The following FBXL20 variants were observed in gnomAD, a reference collection of about 807,000 sequenced individuals.
FBXL20 encodes F-box and leucine rich repeat protein 20, also known as F-box/LRR-repeat protein 20.
In FBXL20, 11 loss-of-function variants were observed where a neutral mutation model predicts 64.0. That is an observed-to-expected ratio of 0.17 (90% confidence interval 0.11 to 0.28). FBXL20 has a LOEUF of 0.28. FBXL20 is among the 10% of genes least tolerant of loss of function. The probability of loss-of-function intolerance (pLI) is 1.00; values close to 1 mark genes in which losing one functional copy is unlikely to be tolerated. For synonymous variants in FBXL20, 184 were observed against 189.0 expected (o/e 0.97, Z 0.22); for missense variants, 303 against 526.2 (o/e 0.58, Z 4.15).
At chr17:39,349,629 A>G (rs1330443290) in intron 1 of FBXL20, among the ~76,000 whole-genome samples, 2 of 151,990 alleles carry the variant, frequency 1.3e-5, no homozygotes, top group African/African-American at 4.8e-5. Flanking sequence ...ACCTCTTGTG[A>G]TAAGTCACAG....
chr17:39,327,731 C>T lies in FBXL20; in HGVS notation c.104+15449G>A, dbSNP rs191587721. On this transcript the variant is annotated intron_variant, in intron 2 of 14. Transcript: ENST00000264658. ...GTTTTGTTTTTTCAAGACGGAATCTCGCTCTGTCGCCCAGGCTGTAGTGCA... is the reference window on the plus strand; with the variant it reads ...GTTTTGTTTTTTCAAGACGGAATCTTGCTCTGTCGCCCAGGCTGTAGTGCA... 5.4e-3 allele frequency among the ~76,000 whole-genome samples: 818 copies of T among 152,162 alleles called. 3 individuals are homozygous for T. Among genetic ancestry groups the T allele is most frequent in the Non-Finnish European group, 9.0e-3 (614 of 68,002 alleles).
chr17:39,263,209 T>C (rs1251974960), intron 14 of FBXL20, among the ~76,000 whole-genome samples: 3 of 151,348 alleles, frequency 2.0e-5, no homozygotes, highest in African/African-American at 7.3e-5. Context: ...AGCAAGACCT[T>C]GTCTCCACAA....
chr17:39,353,228 C>T (rs1017210352), intron 1 of FBXL20, among the ~76,000 whole-genome samples: 1 of 152,192 alleles, frequency 6.6e-6, no homozygotes, highest in Non-Finnish European at 1.5e-5. Flanking sequence ...TGCAGCTAAA[C>T]TTAGTAATAC....
At chr17:39,337,855 C>G (rs1205395972) in intron 2 of FBXL20, among the ~76,000 whole-genome samples, 1 of 151,636 alleles carries the variant, frequency 6.6e-6, no homozygotes, top group African/African-American at 2.4e-5. Flanking sequence ...GCCGCCCCGT[C>G]CAGGAGGGAG....
intron 2 of FBXL20, among the ~76,000 whole-genome samples, chr17:39,309,692 T>C (rs2047214043): frequency 6.6e-6 from 1 of 150,852 alleles, no homozygotes; most frequent in African/African-American, 2.4e-5. Context: ...TCCCAGCTAC[T>C]TGCACAGGAG....
chr17:39,325,189 C>T (rs2047398644), intron 2 of FBXL20, among the ~76,000 whole-genome samples: 1 of 152,138 alleles, frequency 6.6e-6, no homozygotes, highest in South Asian at 2.1e-4. Context: ...GCCTGGATGA[C>T]AGAGACCCTG....
At chr17:39,334,658 A>T (rs906331997) in intron 2 of FBXL20, among the ~76,000 whole-genome samples, 2 of 152,160 alleles carry the variant, frequency 1.3e-5, no homozygotes, top group African/African-American at 4.8e-5. Flanking sequence ...TGAATCCTTT[A>T]AAAAAATTTC....
chr17:39,372,295 T>G (rs1020239623), intron 1 of FBXL20, among the ~76,000 whole-genome samples: 11 of 151,416 alleles, frequency 7.3e-5, no homozygotes, highest in Admixed American at 7.3e-4. Flanking sequence ...CTGAGGCAGG[T>G]GGATCACAAG....
rs537354163 is a variant in FBXL20 at position 39,269,194 on chromosome 17, C to G, written c.889-323G>C. On this transcript the variant is annotated intron_variant, in intron 11 of 14. Coordinates refer to ENST00000264658, the MANE Select transcript of FBXL20 (RefSeq NM_032875.3). ...CCTGGCTAATTTTTGTATTTCTTTT[C>G]TTTTTTTTTTCTTTTTGAGATGGAG... Among the ~76,000 whole-genome samples the G allele has an allele frequency of 3.4e-5, 5 of 147,852 alleles. No homozygotes were observed. In the South Asian group the frequency reaches 6.5e-4, roughly 19 times the overall value.
intron 2 of FBXL20, among the ~76,000 whole-genome samples, chr17:39,325,248 G>C (rs909108415): frequency 3.3e-5 from 5 of 152,148 alleles, no homozygotes; most frequent in African/African-American, 1.2e-4. Flanking sequence ...AAACTCTTGT[G>C]AAATGACTCA....
chr17:39,385,178 C>T (rs887268990), intron 1 of FBXL20, among the ~76,000 whole-genome samples: 3 of 151,868 alleles, frequency 2.0e-5, no homozygotes, highest in Non-Finnish European at 2.9e-5. Flanking sequence ...GCTATGATGG[C>T]GCCACCGCAC....
In FBXL20 at chr17:39,297,355, T is replaced by G. The variant is rs755221905; in HGVS notation, c.330-160A>C. 6.8e-6 allele frequency: 3 copies of G among 441,286 alleles called. No homozygotes were observed. In the East Asian group the frequency reaches 1.0e-4, roughly 15 times the overall value. 27.3% of individuals were successfully genotyped at this position (441,286 alleles called of 1,614,324 possible). Reference sequence around the variant, plus strand: ...GTATTTGGTCTTCATCTTCGGTTCTTGGCATACCATCCCTAAAATCTTTGT... The same window carrying G: ...GTATTTGGTCTTCATCTTCGGTTCTGGGCATACCATCCCTAAAATCTTTGT... On this transcript the variant is annotated intron_variant, in intron 5 of 14. Coordinates refer to ENST00000264658, the MANE Select transcript of FBXL20 (RefSeq NM_032875.3).
Position 39,254,962 on chromosome 17 carries a change from G to A in FBXL20, c.*6498C>T, listed in dbSNP as rs772001170. 2.6e-5 allele frequency: 4 copies of A among 152,498 alleles called. No homozygotes were observed. Among genetic ancestry groups the A allele is most frequent in the Non-Finnish European group, 5.9e-5 (4 of 68,208 alleles). 9.4% of individuals were successfully genotyped at this position (152,498 alleles called of 1,614,324 possible). ...TTATTTAAAAACAAGAGGCAGAGAT[G>A]GAAGAAGCGCATATGGACTTTCTCT... On this transcript the variant is annotated 3_prime_UTR_variant, in exon 15 of 15. Coordinates refer to ENST00000264658, the MANE Select transcript of FBXL20 (RefSeq NM_032875.3).
At chr17:39,276,857 T>C (rs773627925) in intron 9 of FBXL20, among the ~76,000 whole-genome samples, 1 of 152,124 alleles carries the variant, frequency 6.6e-6, no homozygotes, top group Non-Finnish European at 1.5e-5. Context: ...GAGGCTGAAG[T>C]GGAATGATCG....
chr17:39,274,888 A>T, intron 10 of FBXL20, 82 bp downstream of exon 10: 1 of 1,582,802 alleles, frequency 6.3e-7, no homozygotes, highest in East Asian at 2.2e-5. Flanking sequence ...CCTACCTTAA[A>T]ATTCCAAAGT....
At chr17:39,285,612 G>A (rs2144398358) in intron 6 of FBXL20, 39 bp from the exon 7 acceptor site, 1 of 1,331,306 alleles carries the variant, frequency 7.5e-7, no homozygotes, top group Non-Finnish European at 1.1e-6. Context: ...GAATAAACAA[G>A]ACAAGTACAC....
At chr17:39,370,743 C>G (rs1390180956) in intron 1 of FBXL20, among the ~76,000 whole-genome samples, 1 of 148,074 alleles carries the variant, frequency 6.8e-6, no homozygotes, top group Non-Finnish European at 1.5e-5. Context: ...TGCAGTGAGC[C>G]GAGATCGCGC....
In FBXL20 at chr17:39,384,713, T is replaced by C. The variant is rs576503304; in HGVS notation, c.42+16648A>G. The stretch of plus-strand genomic sequence containing the variant: ...GGCTCACGCCTATAATCCCAGCACT[T>C]TGTGAGGCTGAGGCAGGCAGATCAC... On this transcript the variant is annotated intron_variant, in intron 1 of 14. Transcript: ENST00000264658. 5.9e-5 allele frequency among the ~76,000 whole-genome samples: 9 copies of C among 152,162 alleles called. No homozygotes were observed. In the East Asian group the frequency reaches 1.5e-3, roughly 26 times the overall value.
intron 1 of FBXL20, among the ~76,000 whole-genome samples, chr17:39,360,963 G>T (rs1222400008): frequency 6.6e-6 from 1 of 152,110 alleles, no homozygotes; most frequent in Non-Finnish European, 1.5e-5. Context: ...GATTCTAGTA[G>T]CAATTTCCCC....
Sources: gnomAD v4.1 joint callset for allele counts (sites outside exome capture counted in the v4.1 genomes callset) on GRCh38, gnomAD v4.1.1 for gene constraint, MANE v1.5 for transcripts, NCBI Gene and HGNC (gene_info 2026-07-23, HGNC 2026-07-21) for gene names.